Variants in MEOX2 observed in about 807,000 individuals in gnomAD.
MEOX2 encodes mesenchyme homeobox 2, also known as homeobox protein MOX-2.
Under a neutral mutation model 27.0 loss-of-function variants are expected in MEOX2, and 11 were observed. That is an observed-to-expected ratio of 0.41 (90% confidence interval 0.26 to 0.68). The LOEUF (loss-of-function observed/expected upper bound fraction) is 0.68. Among genes scored for constraint, MEOX2 ranks in the 30% least tolerant of loss-of-function variants. The pLI is 0.33. For missense variants in MEOX2, 436 were observed against 385.4 expected (o/e 1.13, Z -1.10); for synonymous variants, 189 against 155.4 (o/e 1.22, Z -1.61).
At chr7:15,669,686 C>A (rs370855135) in intron 1 of MEOX2, among the ~76,000 whole-genome samples, 1 of 152,208 alleles carries the variant, frequency 6.6e-6, no homozygotes, top group African/African-American at 2.4e-5. Flanking sequence ...ACTCCCTATA[C>A]GTCACTCTTT....
intron 1 of MEOX2, among the ~76,000 whole-genome samples, chr7:15,643,142 G>A (rs1191326623): frequency 6.6e-6 from 1 of 152,176 alleles, no homozygotes; most frequent in Non-Finnish European, 1.5e-5. Context: ...AGTTGTGATG[G>A]GACATGCAGT....
At chr7:15,617,656 G>T (rs530846969) in intron 2 of MEOX2, among the ~76,000 whole-genome samples, 2 of 152,076 alleles carry the variant, frequency 1.3e-5, no homozygotes, top group African/African-American at 4.8e-5. Flanking sequence ...ACAATTAAAG[G>T]GTGTTTGTGT....
chr7:15,674,416 G>T (rs1439473192), intron 1 of MEOX2, among the ~76,000 whole-genome samples: 2 of 152,060 alleles, frequency 1.3e-5, no homozygotes, highest in African/African-American at 4.8e-5. Context: ...GAATAGAACG[G>T]ATTTGAACCA....
chr7:15,658,894 T>C (rs1781865620), intron 1 of MEOX2, among the ~76,000 whole-genome samples: 1 of 152,260 alleles, frequency 6.6e-6, no homozygotes, highest in Admixed American at 6.5e-5. Context: ...CAGTCTGTAA[T>C]GTTTTGTTAC....
chr7:15,669,614 T>C (rs376212784), intron 1 of MEOX2, among the ~76,000 whole-genome samples: 118 of 152,356 alleles, frequency 7.7e-4, no homozygotes, highest in Middle Eastern at 6.8e-3. Context: ...TCGTGGCAGC[T>C]GAATTGCGTA....
intron 1 of MEOX2, among the ~76,000 whole-genome samples, chr7:15,683,238 C>T (rs957009855): frequency 1.3e-5 from 2 of 151,980 alleles, no homozygotes; most frequent in Non-Finnish European, 2.9e-5. Flanking sequence ...CATACACATA[C>T]AGTCTAAGTA....
At chr7:15,636,000 T>G (rs980180100) in intron 1 of MEOX2, among the ~76,000 whole-genome samples, 2 of 151,952 alleles carry the variant, frequency 1.3e-5, no homozygotes, top group Non-Finnish European at 2.9e-5. Flanking sequence ...AGTGTGCTTG[T>G]GTTTGTGTGG....
intron 1 of MEOX2, among the ~76,000 whole-genome samples, chr7:15,644,181 G>C (rs1781607053): frequency 6.6e-6 from 1 of 152,092 alleles, no homozygotes; most frequent in African/African-American, 2.4e-5. Flanking sequence ...TGAGCACTCA[G>C]AGTCACATTT....
intron 1 of MEOX2, among the ~76,000 whole-genome samples, chr7:15,656,712 G>A: frequency 6.6e-6 from 1 of 151,556 alleles, no homozygotes; most frequent in East Asian, 1.9e-4. Context: ...TTTGCTTTAT[G>A]TAACAATAAT....
rs765558107 is a variant in MEOX2 at position 15,612,405 on chromosome 7, T to C, written c.897A>G (p.Ser299=). 2.5e-6 allele frequency: 4 copies of C among 1,613,192 alleles called. No individual in the cohort carries two copies. Among genetic ancestry groups the C allele is most frequent in the Admixed American group, 1.7e-5 (1 of 60,008 alleles). Residue 299 remains serine, a synonymous_variant, in exon 3 of 3, where the codon TCA becomes TCG. Coordinates refer to ENST00000262041, the MANE Select transcript of MEOX2 (RefSeq NM_005924.5). ...GTTTATATCATAAGTGCGCATGCTCTGAGCTGTGGTCACTGTCGTGACTGT... is the reference window on the plus strand; with the variant it reads ...GTTTATATCATAAGTGCGCATGCTCCGAGCTGTGGTCACTGTCGTGACTGT... ...NEDSHDSDHS[S]EHAHL
At chr7:15,673,509 T>A (rs1247998221) in intron 1 of MEOX2, among the ~76,000 whole-genome samples, 2 of 150,870 alleles carry the variant, frequency 1.3e-5, no homozygotes, top group East Asian at 3.9e-4. Context: ...TCCTTCTGTA[T>A]TACTTCTTAC....
intron 1 of MEOX2, among the ~76,000 whole-genome samples, chr7:15,631,804 A>T (rs1053971628): frequency 1.3e-5 from 2 of 151,590 alleles, no homozygotes; most frequent in Non-Finnish European, 2.9e-5. Flanking sequence ...TTTACATATT[A>T]TTTTAATATG....
chr7:15,638,200 G>A (rs1163683433), intron 1 of MEOX2, among the ~76,000 whole-genome samples: 1 of 152,088 alleles, frequency 6.6e-6, no homozygotes, highest in Non-Finnish European at 1.5e-5. Flanking sequence ...ATCAGCAAGA[G>A]TTGTGTATGA....
At chr7:15,651,570 CTTCAT>C (rs1280995371) in intron 1 of MEOX2, among the ~76,000 whole-genome samples, 1 of 151,864 alleles carries the variant, frequency 6.6e-6, no homozygotes, top group Non-Finnish European at 1.5e-5. Flanking sequence ...TTACACAATC[CTTCAT>C]TTCAAGAATG....
At position 15,685,983 on chromosome 7, in the gene MEOX2, A is replaced by C. The variant is rs1782374677; in HGVS notation, c.420T>G (p.Thr140=). The C allele has an allele frequency of 6.2e-7, 1 of 1,609,676 alleles. No homozygotes were observed. The highest frequency in any genetic ancestry group is 1.3e-5 in the African/African-American group (1 of 74,838). Residue 140 remains threonine (T), a synonymous_variant, in exon 1 of 3, where the codon ACT becomes ACG. Coordinates refer to ENST00000262041, the MANE Select transcript of MEOX2 (RefSeq NM_005924.5). ...AGTCCCCCGGCGCGCACGCGGCCCC[A>C]GTCGGGGTGCTGGAGCCCAAGCTGG... ...NSSSLGSSTP[T]GAACAPGDYG...
At chr7:15,657,376 T>G (rs1396023883) in intron 1 of MEOX2, among the ~76,000 whole-genome samples, 3 of 152,170 alleles carry the variant, frequency 2.0e-5, no homozygotes, top group Non-Finnish European at 2.9e-5. Flanking sequence ...GGTAAAAATT[T>G]TTTTTCAATT....
At chr7:15,613,756 CTA>C (rs1281101389) in intron 2 of MEOX2, among the ~76,000 whole-genome samples, 2 of 152,020 alleles carry the variant, frequency 1.3e-5, no homozygotes, top group African/African-American at 2.4e-5. Context: ...TCAAAAGACT[CTA>C]TTTATTTATT....
chr7:15,653,535 G>T (rs1182393838), intron 1 of MEOX2, among the ~76,000 whole-genome samples: 1 of 151,902 alleles, frequency 6.6e-6, no homozygotes, highest in African/African-American at 2.4e-5. Context: ...TTGATGTCAA[G>T]TCTAACAACT....
intron 1 of MEOX2, among the ~76,000 whole-genome samples, chr7:15,632,558 C>G (rs562998748): frequency 6.6e-6 from 1 of 151,720 alleles, no homozygotes; most frequent in Non-Finnish European, 1.5e-5. Flanking sequence ...AATTCGAAAA[C>G]AAAACAAATT....
Sources: allele counts gnomAD v4.1 joint callset (sites outside exome capture counted in the v4.1 genomes callset), GRCh38; gene constraint gnomAD v4.1.1; transcripts MANE v1.5; gene names NCBI Gene and HGNC (gene_info 2026-07-23, HGNC 2026-07-21).